RSPO4: variants seen among roughly 807,000 people sequenced by gnomAD.
The protein encoded by RSPO4 is R-spondin-4.
In RSPO4, 23 loss-of-function variants were observed where a neutral mutation model predicts 24.8. The ratio of observed to expected loss-of-function variants is 0.93; its 90% CI spans 0.67 to 1.31. The LOEUF is 1.31. Among genes scored for constraint, RSPO4 ranks in the 40% most tolerant of loss-of-function variants. The probability of loss-of-function intolerance (pLI) is 0.00; values close to 1 mark genes in which losing one functional copy is unlikely to be tolerated. For synonymous variants in RSPO4, 141 were observed against 127.4 expected (o/e 1.11, Z -0.72); for missense variants, 333 against 316.5 (o/e 1.05, Z -0.39).
Position 964,777 on chromosome 20 carries a change from CATATATATATACACATATAT to C in RSPO4, c.410-677_410-658del, listed in dbSNP as rs1568905529. On this transcript the variant is annotated intron_variant, in intron 3 of 4. Transcript: ENST00000217260. ...ACACATATATATACACACACACACACATATATATATACACATATATACACACATACACACACACACACACA... is the reference window on the plus strand; with the variant it reads ...ACACATATATATACACACACACACACACACACATACACACACACACACACA... Among the ~76,000 whole-genome samples the C allele has an allele frequency of 1.2e-4, 17 of 139,974 alleles. 1 individual carries two copies. The highest frequency in any genetic ancestry group is 4.6e-4 in the African/African-American group (16 of 34,772). The allele number at this position is 139,974 out of a possible 152,430, so 91.8% of individuals were successfully genotyped here.
At chr20:961,746 C>T (rs1280011108) in intron 4 of RSPO4, among the ~76,000 whole-genome samples, 1 of 152,036 alleles carries the variant, frequency 6.6e-6, no homozygotes, top group Admixed American at 6.5e-5. Context: ...CTAGGCCTGC[C>T]TGCCAGCTGC....
chr20:984,726 G>A (rs897200340), intron 1 of RSPO4, among the ~76,000 whole-genome samples: 3 of 152,162 alleles, frequency 2.0e-5, no homozygotes, highest in Admixed American at 1.3e-4. Flanking sequence ...CCCCAGATGT[G>A]GACTCTTGTC....
intron 1 of RSPO4, among the ~76,000 whole-genome samples, chr20:992,593 C>T (rs1370243891): frequency 3.9e-5 from 6 of 152,100 alleles, no homozygotes; most frequent in Admixed American, 2.0e-4. Flanking sequence ...CTTCCAGGGG[C>T]GTCACATGCA....
At chr20:965,941 G>A (rs1984181211) in intron 3 of RSPO4, among the ~76,000 whole-genome samples, 1 of 152,186 alleles carries the variant, frequency 6.6e-6, no homozygotes, top group African/African-American at 2.4e-5. Flanking sequence ...GAACAGATTG[G>A]ATTGAATATA....
At chr20:977,152 C>T (rs1412500270) in intron 1 of RSPO4, among the ~76,000 whole-genome samples, 5 of 152,184 alleles carry the variant, frequency 3.3e-5, no homozygotes, top group Non-Finnish European at 7.3e-5. Context: ...ATCAGATTCA[C>T]CTAGAGAGCC....
intron 1 of RSPO4, among the ~76,000 whole-genome samples, chr20:991,198 C>T (rs181702560): frequency 6.6e-6 from 1 of 152,322 alleles, no homozygotes; most frequent in East Asian, 1.9e-4. Flanking sequence ...ACCTCAGCCC[C>T]GTGAGTAGCT....
At chr20:998,985 CT>C (rs537819758) in intron 1 of RSPO4, among the ~76,000 whole-genome samples, 21,169 of 131,728 alleles carry the variant, frequency 0.16, 2,013 homozygotes, top group African/African-American at 0.32. Flanking sequence ...CTCTCGCTCT[CT>C]TTTTTTTTTT....
At chr20:992,888 C>A (rs1985156521) in intron 1 of RSPO4, among the ~76,000 whole-genome samples, 1 of 152,202 alleles carries the variant, frequency 6.6e-6, no homozygotes, top group South Asian at 2.1e-4. Flanking sequence ...GGAGAGATGA[C>A]CTGCCCAAGG....
At position 958,783 on chromosome 20, in the gene RSPO4, C is replaced by G. The variant is rs1229980040; in HGVS notation, c.*1574G>C. 6.6e-6 allele frequency: 1 copy of G among 152,386 alleles called. No individual in the cohort carries two copies. Among genetic ancestry groups the G allele is most frequent in the Non-Finnish European group, 1.5e-5 (1 of 68,260 alleles). 9.4% of individuals were successfully genotyped at this position (152,386 alleles called of 1,614,324 possible). A position where few individuals can be genotyped will look rare whatever the true frequency, so the allele number is the denominator to read the frequency against. On this transcript the variant is annotated 3_prime_UTR_variant, in exon 5 of 5. Coordinates refer to ENST00000217260, the MANE Select transcript of RSPO4 (RefSeq NM_001029871.4). ...CCAGCCTGCTGACCATCTTCCTTCCCCAGGCCACCCCTGGGCCCCTTGGAG... is the reference window on the plus strand; with the variant it reads ...CCAGCCTGCTGACCATCTTCCTTCCGCAGGCCACCCCTGGGCCCCTTGGAG...
rs1362997271 is a variant in RSPO4, at chr20:958,708, T to C, written c.*1649A>G. The C allele has an allele frequency of 1.3e-5, 2 of 151,608 alleles. No individual in the cohort carries two copies. Among genetic ancestry groups the C allele is most frequent in the Non-Finnish European group, 2.9e-5 (2 of 68,018 alleles). The allele number at this position is 151,608 out of a possible 1,614,324, so 9.4% of individuals were successfully genotyped here. On this transcript the variant is annotated 3_prime_UTR_variant, in exon 5 of 5. Coordinates refer to ENST00000217260, the MANE Select transcript of RSPO4 (RefSeq NM_001029871.4). Reference sequence around the variant, plus strand: ...GGTGGAGGGCAGGTCTGAGGGTGGGTGCTCTCTTGGGGTCGGGAATGTAAT... The same window carrying C: ...GGTGGAGGGCAGGTCTGAGGGTGGGCGCTCTCTTGGGGTCGGGAATGTAAT...
chr20:996,991 T>C (rs1985310898), intron 1 of RSPO4, among the ~76,000 whole-genome samples: 1 of 152,214 alleles, frequency 6.6e-6, no homozygotes. Context: ...CTGGCATGAT[T>C]CATTTCTATA....
chr20:977,620 G>T (rs886935984), intron 1 of RSPO4, among the ~76,000 whole-genome samples: 1 of 152,170 alleles, frequency 6.6e-6, no homozygotes, highest in East Asian at 1.9e-4. Flanking sequence ...CAACATTTTT[G>T]GGGGTAGAGT....
At chr20:961,455 C>T (rs570869) in intron 4 of RSPO4, among the ~76,000 whole-genome samples, 13,800 of 152,238 alleles carry the variant, frequency 0.091, 985 homozygotes, top group African/African-American at 0.19. Flanking sequence ...ACTATGTGCC[C>T]GTCTCCCCAA....
Position 960,380 on chromosome 20 carries a change from G to C in RSPO4, c.682C>G (p.Arg228Gly), listed in dbSNP as rs745580942. ...GGTCAGGGCTGCAGGCCGGGCTGGCGCGGCCTCACGTCCAGCCTGCGGTCC... is the reference window on the plus strand; with the variant it reads ...GGTCAGGGCTGCAGGCCGGGCTGGCCCGGCCTCACGTCCAGCCTGCGGTCC... Reference protein sequence around the residue: ...KLDRRLDVRPRQPGLQP With the variant: ...KLDRRLDVRPGQPGLQP Residue 228 changes from arginine to glycine, a missense_variant, in exon 5 of 5, where the codon CGC becomes GGC. Physicochemically the swap from Arg to Gly is moderately radical, Grantham distance 125 (BLOSUM62 -2). Coordinates refer to ENST00000217260, the MANE Select transcript of RSPO4 (RefSeq NM_001029871.4). 4 of 1,537,536 alleles carry C rather than the reference G, an allele frequency of 2.6e-6. No individual in the cohort carries two copies. The highest frequency in any genetic ancestry group is 1.8e-4 in the Middle Eastern group (1 of 5,654).
intron 1 of RSPO4, among the ~76,000 whole-genome samples, chr20:975,125 C>A (rs1984522303): frequency 6.6e-6 from 1 of 152,122 alleles, no homozygotes; most frequent in Non-Finnish European, 1.5e-5. Context: ...GGATGTAGCT[C>A]ACTAGACAGC....
At chr20:977,764 A>C (rs146763497) in intron 1 of RSPO4, among the ~76,000 whole-genome samples, 2,199 of 152,110 alleles carry the variant, frequency 0.014, 19 homozygotes, top group Middle Eastern at 0.1. Flanking sequence ...AGAGAAAGAC[A>C]CCACTGCCCC....
intron 2 of RSPO4, 77 bp downstream of exon 2, chr20:967,872 TG>T: frequency 2.9e-6 from 4 of 1,358,672 alleles, no homozygotes; most frequent in African/African-American, 1.4e-5. Context: ...CTGTCTGTGC[TG>T]GGGTGAAAGG....
chr20:964,723 CAT>C (rs1247528637), intron 3 of RSPO4, among the ~76,000 whole-genome samples: 4 of 148,248 alleles, frequency 2.7e-5, no homozygotes, highest in East Asian at 2.0e-4. Context: ...TATATATACA[CAT>C]ATATATACAC....
At chr20:990,530 TTCC>T (rs1478499892) in intron 1 of RSPO4, among the ~76,000 whole-genome samples, 8 of 151,126 alleles carry the variant, frequency 5.3e-5, no homozygotes, top group Admixed American at 5.3e-4. Context: ...CCCTCCTTCC[TTCC>T]TTTCTTTTTC....
Sources: allele counts gnomAD v4.1 joint callset (sites outside exome capture counted in the v4.1 genomes callset), GRCh38; gene constraint gnomAD v4.1.1; transcripts MANE v1.5; gene names NCBI Gene and HGNC (gene_info 2026-07-23, HGNC 2026-07-21).